CTNNA2: variants seen among roughly 807,000 people sequenced by gnomAD.
The protein encoded by CTNNA2 is catenin alpha 2, also known as catenin alpha-2.
A neutral mutation model predicts 101.0 loss-of-function variants in CTNNA2; 42 were observed. The observed-to-expected ratio is 0.42, with a 90% CI of 0.32 to 0.54. The LOEUF (loss-of-function observed/expected upper bound fraction) is 0.54, where lower values mean the gene tolerates loss of function less well. Ranked by LOEUF, CTNNA2 falls within the 20% of genes least tolerant of loss-of-function variation. The pLI is 0.14. For missense variants in CTNNA2, 871 were observed against 1,223.1 expected (o/e 0.71, Z 4.29); for synonymous variants, 450 against 456.4 (o/e 0.99, Z 0.18).
At chr2:80,034,376 C>T (rs1440832535) in intron 7 of CTNNA2, among the ~76,000 whole-genome samples, 6 of 120,826 alleles carry the variant, frequency 5.0e-5, no homozygotes, top group South Asian at 2.6e-4. Context: ...TTTTTTGATA[C>T]GGAGTCTCGC....
chr2:79,971,466 G>A (rs1263391233), intron 7 of CTNNA2, among the ~76,000 whole-genome samples: 1 of 152,034 alleles, frequency 6.6e-6, no homozygotes, highest in Non-Finnish European at 1.5e-5. Flanking sequence ...TAGCTCTTAT[G>A]TGGTACCTAC....
intron 2 of CTNNA2, among the ~76,000 whole-genome samples, chr2:79,716,167 A>G (rs186803853): frequency 6.6e-6 from 1 of 152,304 alleles, no homozygotes; most frequent in East Asian, 1.9e-4. Context: ...AGAGGGCAGG[A>G]TGGGAACACT....
intron 2 of CTNNA2, among the ~76,000 whole-genome samples, chr2:79,306,226 G>A (rs1676240510): frequency 6.6e-6 from 1 of 152,074 alleles, no homozygotes; most frequent in African/African-American, 2.4e-5. Context: ...AAGGGATTGA[G>A]GGATTCTTGG....
At chr2:80,136,293 G>A (rs1335207568) in intron 7 of CTNNA2, among the ~76,000 whole-genome samples, 2 of 152,118 alleles carry the variant, frequency 1.3e-5, no homozygotes, top group Non-Finnish European at 2.9e-5. Context: ...CTGTGACTTG[G>A]TCAAAGTACT....
chr2:80,592,861 G>A (rs1696632728), intron 15 of CTNNA2, among the ~76,000 whole-genome samples: 1 of 152,102 alleles, frequency 6.6e-6, no homozygotes, highest in Non-Finnish European at 1.5e-5. Context: ...TTTCACCTTA[G>A]TACTTATTAC....
At chr2:80,445,662 A>G (rs1020241097) in intron 9 of CTNNA2, among the ~76,000 whole-genome samples, 6 of 152,150 alleles carry the variant, frequency 3.9e-5, no homozygotes, top group African/African-American at 1.4e-4. Context: ...ATTTTTAACA[A>G]GCTCCTAACT....
At chr2:79,905,129 C>T (rs1026123393) in intron 6 of CTNNA2, among the ~76,000 whole-genome samples, 2 of 151,978 alleles carry the variant, frequency 1.3e-5, no homozygotes, top group Non-Finnish European at 2.9e-5. Flanking sequence ...CCAATTGCCA[C>T]TCCATAAACT....
intron 8 of CTNNA2, among the ~76,000 whole-genome samples, chr2:80,416,791 T>C (rs993451458): frequency 9.2e-5 from 14 of 152,044 alleles, no homozygotes; most frequent in Admixed American, 2.6e-4. Flanking sequence ...GAAAAGGTCA[T>C]GAGAACAATA....
chr2:79,549,819 C>T (rs1022775728), intron 1 of CTNNA2, among the ~76,000 whole-genome samples: 3 of 152,122 alleles, frequency 2.0e-5, no homozygotes, highest in South Asian at 4.1e-4. Context: ...GCTATTTCCC[C>T]TGTTATATGA....
chr2:80,016,606 C>T (rs112031130), intron 7 of CTNNA2, among the ~76,000 whole-genome samples: 6 of 152,298 alleles, frequency 3.9e-5, no homozygotes, highest in African/African-American at 1.4e-4. Context: ...TACAAAGCTG[C>T]CTTTTCAAGT....
At chr2:80,134,010 A>G (rs1173385518) in intron 7 of CTNNA2, among the ~76,000 whole-genome samples, 1 of 152,176 alleles carries the variant, frequency 6.6e-6, no homozygotes, top group East Asian at 1.9e-4. Context: ...TAATGCACTC[A>G]GAGTACGTGA....
intron 2 of CTNNA2, among the ~76,000 whole-genome samples, chr2:79,290,564 C>A (rs960918601): frequency 6.6e-6 from 1 of 152,156 alleles, no homozygotes; most frequent in Admixed American, 6.5e-5. Flanking sequence ...ACAAGTGACT[C>A]ATCGTCGAGA....
At chr2:79,866,385 G>T (rs1352322061) in intron 4 of CTNNA2, 1 of 152,260 alleles carries the variant, frequency 6.6e-6, no homozygotes, top group African/African-American at 2.4e-5. Flanking sequence ...AGCCTGGTCA[G>T]CGGGAGAAGA....
chr2:80,114,670 A>G (rs1048464130), intron 7 of CTNNA2, among the ~76,000 whole-genome samples: 2 of 152,320 alleles, frequency 1.3e-5, no homozygotes, highest in Non-Finnish European at 2.9e-5. Flanking sequence ...TAGAAGCTAC[A>G]TTGCACTGGG....
At chr2:80,188,050 G>A (rs898050521) in intron 7 of CTNNA2, among the ~76,000 whole-genome samples, 4 of 152,146 alleles carry the variant, frequency 2.6e-5, no homozygotes, top group Admixed American at 6.5e-5. Flanking sequence ...ACAAGATCCC[G>A]AGTAAAGCCA....
rs183990312 is a variant in CTNNA2 at position 79,664,679 on chromosome 2, G to A, written c.102+13021G>A. Among the ~76,000 whole-genome samples the A allele has an allele frequency of 7.7e-3, 1,004 of 129,614 alleles. 12 individuals are homozygous for A. Among genetic ancestry groups the A allele is most frequent in the African/African-American group, 0.025 (885 of 34,858 alleles). 85.0% of individuals were successfully genotyped at this position (129,614 alleles called of 152,430 possible). A position where few individuals can be genotyped will look rare whatever the true frequency, so the allele number is the denominator to read the frequency against. On this transcript the variant is annotated intron_variant, in intron 2 of 18. Transcript: ENST00000402739. ...CTCTGAAACCATATATTGCTAATTT[G>A]TAAATTCTGGAGAATTCACATTCTT...
intron 1 of CTNNA2, among the ~76,000 whole-genome samples, chr2:79,601,098 G>T (rs912847285): frequency 6.6e-6 from 1 of 152,170 alleles, no homozygotes; most frequent in South Asian, 2.1e-4. Flanking sequence ...AGGATAAAGA[G>T]AAAGAATAGT....
intron 11 of CTNNA2, among the ~76,000 whole-genome samples, chr2:80,548,300 G>A (rs1386242445): frequency 6.6e-6 from 1 of 152,016 alleles, no homozygotes; most frequent in Non-Finnish European, 1.5e-5. Context: ...CAAATCAATA[G>A]GAAATACCTA....
At position 79,853,464 on chromosome 2, in the gene CTNNA2, A is replaced by G. The variant is rs766758892; in HGVS notation, c.299-4549A>G. On this transcript the variant is annotated intron_variant, in intron 3 of 18. Transcript: ENST00000402739. ...CTTTGAATCTTGCTTTTCACCACAC[A>G]TTTTTCCTTGCTTCTCACAGTTTTT... Among the ~76,000 whole-genome samples, 60 of 151,982 alleles carry G rather than the reference A, an allele frequency of 3.9e-4. 1 individual carries two copies. The highest frequency in any genetic ancestry group is 6.9e-4 in the Non-Finnish European group (47 of 67,968).
Sources: allele counts gnomAD v4.1 joint callset (sites outside exome capture counted in the v4.1 genomes callset), GRCh38; gene constraint gnomAD v4.1.1; transcripts MANE v1.5; gene names NCBI Gene and HGNC (gene_info 2026-07-23, HGNC 2026-07-21).